The following SUMF1 variants were observed in gnomAD, a reference collection of about 807,000 sequenced individuals.
The protein encoded by SUMF1 is formylglycine-generating enzyme.
In SUMF1, 48 loss-of-function variants were observed where a neutral mutation model predicts 47.6. That is an observed-to-expected ratio of 1.01 (90% CI 0.80 to 1.28). The LOEUF (loss-of-function observed/expected upper bound fraction) is 1.28, where lower values mean the gene tolerates loss of function less well. Ranked by LOEUF, SUMF1 falls within the 50% of genes most tolerant of loss-of-function variation. The pLI, the probability that SUMF1 is intolerant of heterozygous loss-of-function variation, is 0.00. For synonymous variants in SUMF1, 230 were observed against 192.1 expected (o/e 1.20, Z -1.63); for missense variants, 571 against 485.4 (o/e 1.18, Z -1.66).
At chr3:4,260,970 C>T (rs1242758883) in intron 8 of SUMF1, among the ~76,000 whole-genome samples, 1 of 152,142 alleles carries the variant, frequency 6.6e-6, no homozygotes, top group East Asian at 1.9e-4. Flanking sequence ...CCAGTGAGAA[C>T]TGTGTTGGTC....
rs550765969 is a variant in SUMF1, at chr3:4,439,489, G to A, written c.519+9777C>T. Among the ~76,000 whole-genome samples the A allele has an allele frequency of 3.3e-5, 5 of 152,068 alleles. No homozygotes were observed. In the East Asian group the frequency reaches 9.7e-4, roughly 29 times the overall value. On this transcript the variant is annotated intron_variant, in intron 3 of 8. Coordinates refer to ENST00000272902, the MANE Select transcript of SUMF1 (RefSeq NM_182760.4). ...TGCTGTGAGCAGAGATTACACCACTGAACTCCAGCCTGGGTGACAGAGCCA... is the reference window on the plus strand; with the variant it reads ...TGCTGTGAGCAGAGATTACACCACTAAACTCCAGCCTGGGTGACAGAGCCA...
At chr3:4,457,361 A>C (rs2079690684) in intron 1 of SUMF1, among the ~76,000 whole-genome samples, 1 of 152,110 alleles carries the variant, frequency 6.6e-6, no homozygotes, top group African/African-American at 2.4e-5. Flanking sequence ...TCCTATCAAA[A>C]TTCTAATGTC....
chr3:4,235,398 G>T (rs1696385424), intron 8 of SUMF1, among the ~76,000 whole-genome samples: 1 of 151,982 alleles, frequency 6.6e-6, no homozygotes, highest in Non-Finnish European at 1.5e-5. Flanking sequence ...TACTAGGCTA[G>T]ACCAGAGATA....
At chr3:4,167,055 G>A (rs776371215) in intron 8 of SUMF1, among the ~76,000 whole-genome samples, 13 of 152,068 alleles carry the variant, frequency 8.5e-5, no homozygotes, top group African/African-American at 2.4e-4. Flanking sequence ...ACCACGTGGC[G>A]ATACCCCGGA....
intron 7 of SUMF1, among the ~76,000 whole-genome samples, chr3:4,383,594 C>G (rs1700578829): frequency 6.6e-6 from 1 of 152,086 alleles, no homozygotes; most frequent in African/African-American, 2.4e-5. Flanking sequence ...CAGAAGATGA[C>G]AGAAGGCAGG....
At chr3:4,409,199 C>G (rs1701465232) in intron 7 of SUMF1, among the ~76,000 whole-genome samples, 1 of 151,916 alleles carries the variant, frequency 6.6e-6, no homozygotes, top group Non-Finnish European at 1.5e-5. Flanking sequence ...TTTCTGCTGG[C>G]AATGAAGAAA....
intron 8 of SUMF1, among the ~76,000 whole-genome samples, chr3:4,337,162 C>T (rs2125135306): frequency 6.6e-6 from 1 of 152,236 alleles, no homozygotes; most frequent in Non-Finnish European, 1.5e-5. Flanking sequence ...GCAATATGTT[C>T]TATTTCTCTG....
intron 1 of SUMF1, among the ~76,000 whole-genome samples, chr3:4,453,672 T>C (rs1703057212): frequency 6.6e-6 from 1 of 151,964 alleles, no homozygotes; most frequent in African/African-American, 2.4e-5. Flanking sequence ...TAGCTGGGAT[T>C]ACAGGCGCCC....
At chr3:4,066,619 A>C (rs2125031249) in intron 9 of SUMF1, among the ~76,000 whole-genome samples, 1 of 151,980 alleles carries the variant, frequency 6.6e-6, no homozygotes, top group Admixed American at 6.6e-5. Context: ...ACTCTTTCTT[A>C]ATTTCTGTTT....
chr3:4,198,305 C>G (rs777681413), intron 8 of SUMF1, among the ~76,000 whole-genome samples: 8 of 152,068 alleles, frequency 5.3e-5, no homozygotes, highest in Non-Finnish European at 1.0e-4. Flanking sequence ...CCTGCCATGT[C>G]TAAGTGTGTG....
chr3:4,423,273 CTG>C (rs1310301464), intron 3 of SUMF1, among the ~76,000 whole-genome samples: 1 of 118,972 alleles, frequency 8.4e-6, no homozygotes, highest in Non-Finnish European at 1.7e-5. Context: ...AATAAAGAAA[CTG>C]TGATACACAC....
chr3:4,449,085 C>A (rs1559307127), intron 3 of SUMF1, among the ~76,000 whole-genome samples, 181 bp downstream of exon 3: 1 of 152,152 alleles, frequency 6.6e-6, no homozygotes, highest in Non-Finnish European at 1.5e-5. Context: ...ACCATCTTGT[C>A]CCATTTTCCT....
chr3:4,204,653 C>G (rs1339995851), intron 8 of SUMF1, among the ~76,000 whole-genome samples: 1 of 152,056 alleles, frequency 6.6e-6, no homozygotes, highest in Non-Finnish European at 1.5e-5. Flanking sequence ...ATCTTATAGG[C>G]ATGCTTCATG....
chr3:4,188,232 A>G (rs1319845), intron 8 of SUMF1, among the ~76,000 whole-genome samples: 125,216 of 151,004 alleles, frequency 0.83, 52,174 homozygotes, highest in Admixed American at 0.88. Context: ...CTGGAGTGCA[A>G]CGGGGTAATC....
At chr3:4,382,898 C>T (rs1004333678) in intron 7 of SUMF1, among the ~76,000 whole-genome samples, 4 of 152,030 alleles carry the variant, frequency 2.6e-5, no homozygotes, top group Non-Finnish European at 5.9e-5. Flanking sequence ...GGGAGGGGAA[C>T]ATCACACACT....
At chr3:4,138,968 T>G (rs1210933255) in intron 8 of SUMF1, among the ~76,000 whole-genome samples, 3 of 152,114 alleles carry the variant, frequency 2.0e-5, no homozygotes, top group Non-Finnish European at 2.9e-5. Context: ...TGAGCATTTC[T>G]TCTCAACTCC....
In SUMF1 at chr3:4,126,304, A is replaced by G. The variant is rs76889136; in HGVS notation, c.1015-57559T>C. ...ATGCTTGTTCTACTTATTCAAGTTT[A>G]AAAATAATATTTCTTGACAGCTTTA... On this transcript the variant is annotated intron_variant and NMD_transcript_variant, in intron 8 of 12. Coordinates refer to the SUMF1 transcript ENST00000448413. Among the ~76,000 whole-genome samples, 851 of 151,670 alleles carry G rather than the reference A, an allele frequency of 5.6e-3. 10 individuals carry two copies. The highest frequency in any genetic ancestry group is 4.6e-3 in the Non-Finnish European group (315 of 67,968).
intron 8 of SUMF1, among the ~76,000 whole-genome samples, chr3:4,207,334 T>G (rs1695675880): frequency 6.6e-6 from 1 of 152,130 alleles, no homozygotes; most frequent in South Asian, 2.1e-4. Flanking sequence ...TATTCTTACC[T>G]CATTGCACTG....
At chr3:4,158,463 C>T (rs1172974041) in intron 8 of SUMF1, among the ~76,000 whole-genome samples, 2 of 151,420 alleles carry the variant, frequency 1.3e-5, no homozygotes, top group Non-Finnish European at 2.9e-5. Context: ...TCTATTAGGT[C>T]CATTTGTTCT....
Sources: gnomAD v4.1 joint callset for allele counts (sites outside exome capture counted in the v4.1 genomes callset) on GRCh38, gnomAD v4.1.1 for gene constraint, MANE v1.5 for transcripts, NCBI Gene and HGNC (gene_info 2026-07-23, HGNC 2026-07-21) for gene names.